ENTREP2: variants seen among roughly 807,000 people sequenced by gnomAD.
ENTREP2 encodes endosomal transmembrane epsin interactor 2, also known as protein ENTREP2.
chr15:29,540,614 G>T, the ENTREP2 span, among the ~76,000 whole-genome samples: 1 of 152,232 alleles, frequency 6.6e-6, no homozygotes, highest in Non-Finnish European at 1.5e-5. Context: ...AATAGAAAGA[G>T]TGCTATACCA....
chr15:29,231,076 C>T, the ENTREP2 span, among the ~76,000 whole-genome samples: 2 of 151,970 alleles, frequency 1.3e-5, no homozygotes, highest in African/African-American at 2.4e-5. Context: ...GAGCCTGCAA[C>T]GTGAAGTTCC....
At chr15:29,205,102 C>G in the ENTREP2 span, among the ~76,000 whole-genome samples, 1 of 152,330 alleles carries the variant, frequency 6.6e-6, no homozygotes, top group East Asian at 1.9e-4. Context: ...TGGCCTATTT[C>G]ACTCAGCATG....
the ENTREP2 span, among the ~76,000 whole-genome samples, chr15:29,562,688 A>G: frequency 2.6e-5 from 4 of 152,184 alleles, no homozygotes; most frequent in African/African-American, 4.8e-5. Flanking sequence ...CCAGTGTACT[A>G]TATCTTCAAA....
the ENTREP2 span, among the ~76,000 whole-genome samples, chr15:29,594,464 T>C: frequency 7.2e-5 from 11 of 152,296 alleles, no homozygotes; most frequent in Admixed American, 2.0e-4. Flanking sequence ...TGCCAGCTCC[T>C]TGAACCTCTT....
chr15:29,267,721 TAAAG>T, the ENTREP2 span: 1 of 152,242 alleles, frequency 6.6e-6, no homozygotes, highest in East Asian at 1.9e-4. Flanking sequence ...GAAAAAAAGA[TAAAG>T]AAAAGTTATA....
chr15:29,497,410 T>C, the ENTREP2 span, among the ~76,000 whole-genome samples: 28 of 152,210 alleles, frequency 1.8e-4, no homozygotes, highest in Non-Finnish European at 3.2e-4. Flanking sequence ...TTTTCTTTGA[T>C]AGAAAGATTT....
At chr15:29,132,447 C>A in the ENTREP2 span, among the ~76,000 whole-genome samples, 1 of 152,174 alleles carries the variant, frequency 6.6e-6, no homozygotes, top group Non-Finnish European at 1.5e-5. Flanking sequence ...TGCTGCCAGG[C>A]GGGCGCCCAG....
chr15:29,137,118 T>C, the ENTREP2 span: 1 of 1,473,354 alleles, frequency 6.8e-7, no homozygotes, highest in Non-Finnish European at 8.9e-7. Flanking sequence ...CTCGTCGAAA[T>C]CCAGGGTCTG....
At chr15:29,283,450 G>C in the ENTREP2 span, among the ~76,000 whole-genome samples, 1 of 152,184 alleles carries the variant, frequency 6.6e-6, no homozygotes, top group Non-Finnish European at 1.5e-5. Flanking sequence ...CTGGGCTCAA[G>C]TGATTCTCCT....
chr15:29,202,859 C>T, the ENTREP2 span, among the ~76,000 whole-genome samples: 10 of 152,272 alleles, frequency 6.6e-5, no homozygotes, highest in African/African-American at 2.4e-4. Flanking sequence ...TGTATATGTG[C>T]TACATTTTCT....
At chr15:29,287,331 T>C in the ENTREP2 span, among the ~76,000 whole-genome samples, 1 of 148,660 alleles carries the variant, frequency 6.7e-6, no homozygotes, top group Non-Finnish European at 1.5e-5. Flanking sequence ...CGGTTACAAT[T>C]GGATTGCTCC....
At chr15:29,668,236 T>A in the ENTREP2 span, among the ~76,000 whole-genome samples, 2 of 152,218 alleles carry the variant, frequency 1.3e-5, no homozygotes, top group Non-Finnish European at 2.9e-5. Context: ...AGGCCTCCAC[T>A]GCATTGTCTG....
At chr15:29,589,892 ATTG>A in the ENTREP2 span, among the ~76,000 whole-genome samples, 1 of 152,108 alleles carries the variant, frequency 6.6e-6, no homozygotes, top group Non-Finnish European at 1.5e-5. Flanking sequence ...TATACACGGG[ATTG>A]TTGTGAGGGA....
the ENTREP2 span, among the ~76,000 whole-genome samples, chr15:29,341,591 G>T: frequency 6.6e-6 from 1 of 152,170 alleles, no homozygotes; most frequent in Non-Finnish European, 1.5e-5. Context: ...TCCAGGTGCC[G>T]CGCAGACAGG....
At chr15:29,327,161 C>A in the ENTREP2 span, among the ~76,000 whole-genome samples, 1 of 152,008 alleles carries the variant, frequency 6.6e-6, no homozygotes, top group East Asian at 1.9e-4. Flanking sequence ...GGTTCAAAGA[C>A]ACTGTTAAGA....
At chr15:29,329,997 A>G in the ENTREP2 span, among the ~76,000 whole-genome samples, 64 of 152,320 alleles carry the variant, frequency 4.2e-4, no homozygotes, top group African/African-American at 1.4e-3. Context: ...ACTTCCTTCC[A>G]AAGAATACAA....
At chr15:29,591,402 C>A in the ENTREP2 span, among the ~76,000 whole-genome samples, 2 of 152,148 alleles carry the variant, frequency 1.3e-5, no homozygotes, top group African/African-American at 2.4e-5. Context: ...GATAAGCAGA[C>A]CCCATATGTA....
At chr15:29,596,008 GC>G in the ENTREP2 span, among the ~76,000 whole-genome samples, 6 of 152,198 alleles carry the variant, frequency 3.9e-5, no homozygotes, top group African/African-American at 1.4e-4. Flanking sequence ...TCTCAAAAAA[GC>G]CCTGGTTCCT....
At chr15:29,490,176 G>A in the ENTREP2 span, among the ~76,000 whole-genome samples, 2 of 152,154 alleles carry the variant, frequency 1.3e-5, no homozygotes, top group Admixed American at 1.3e-4. Flanking sequence ...CTTCTTAAAG[G>A]CCGGTGCATC....
Sources: gnomAD v4.1 joint callset for allele counts (sites outside exome capture counted in the v4.1 genomes callset) on GRCh38, gnomAD v4.1.1 for gene constraint, MANE v1.5 for transcripts, NCBI Gene and HGNC (gene_info 2026-07-23, HGNC 2026-07-21) for gene names.